CD226: variants seen among roughly 807,000 people sequenced by gnomAD.
CD226 encodes the protein CD226 molecule.
CD226 carries 24 observed loss-of-function variants against 34.9 expected under a neutral mutation model. The observed-to-expected ratio is 0.69, with a 90% CI of 0.50 to 0.97. The LOEUF (loss-of-function observed/expected upper bound fraction) is 0.97. Among genes scored for constraint, CD226 ranks in the 50% least tolerant of loss-of-function variants. CD226 has a pLI of 0.00. For missense variants in CD226, 397 were observed against 412.7 expected, an observed-to-expected ratio of 0.96 and a Z score of 0.33; for synonymous variants, 148 against 147.4, an observed-to-expected ratio of 1.00 and a Z score of -0.03.
At chr18:69,897,540 T>C (rs1004304974) in intron 2 of CD226, among the ~76,000 whole-genome samples, 2 of 152,002 alleles carry the variant, frequency 1.3e-5, no homozygotes, top group African/African-American at 2.4e-5. Context: ...AAGTGGGAAG[T>C]CATCTGTCAC....
chr18:69,958,636 C>T (rs779189079), upstream of CD226, among the ~76,000 whole-genome samples: 5 of 152,214 alleles, frequency 3.3e-5, no homozygotes, highest in Admixed American at 2.0e-4. Context: ...TCCTATCTAT[C>T]GTGACAGTAG....
chr18:69,958,981 T>A (rs539335201), upstream of CD226, among the ~76,000 whole-genome samples: 11 of 152,218 alleles, frequency 7.2e-5, no homozygotes, highest in East Asian at 5.8e-4. Flanking sequence ...TAGCTTCCTC[T>A]TGGAGGCTCT....
At chr18:69,866,834 GAC>G (rs899270214) in intron 5 of CD226, among the ~76,000 whole-genome samples, 3 of 151,914 alleles carry the variant, frequency 2.0e-5, no homozygotes, top group African/African-American at 7.3e-5. Flanking sequence ...AAGGAAGGCA[GAC>G]ACACACACAC....
intron 3 of CD226, among the ~76,000 whole-genome samples, chr18:69,890,287 A>G (rs553523220): frequency 1.3e-5 from 2 of 152,306 alleles, no homozygotes; most frequent in Non-Finnish European, 2.9e-5. Context: ...TCTGATAACC[A>G]GAGTTTGGAA....
At chr18:69,877,276 G>A (rs1983934472) in intron 3 of CD226, among the ~76,000 whole-genome samples, 1 of 152,104 alleles carries the variant, frequency 6.6e-6, no homozygotes, top group Non-Finnish European at 1.5e-5. Context: ...AAACACATTT[G>A]TCAGTTTAAT....
At chr18:69,893,273 T>C (rs1023345602) in intron 3 of CD226, among the ~76,000 whole-genome samples, 2 of 152,232 alleles carry the variant, frequency 1.3e-5, no homozygotes, top group African/African-American at 4.8e-5. Flanking sequence ...CTACTGACCA[T>C]TACATTTAGT....
Position 69,857,529 on chromosome 18 carries a change from T to A in CD226, c.*6785A>T, listed in dbSNP as rs1412277468. ...TGGCATAAAGGATGTAATGAATACA[T>A]GATTGAATAAGGATATATCTTAAGA... is the stretch of plus-strand genomic sequence containing the variant. On this transcript the variant is annotated 3_prime_UTR_variant, in exon 6 of 6. Transcript: ENST00000582621. The A allele has an allele frequency of 6.6e-6, 1 of 152,192 alleles. No individual in the cohort carries two copies. The highest frequency in any genetic ancestry group is 1.5e-5 in the Non-Finnish European group (1 of 68,044). 9.4% of individuals were successfully genotyped at this position (152,192 alleles called of 1,614,324 possible). A position where few individuals can be genotyped will look rare whatever the true frequency, so the allele number is the denominator to read the frequency against.
intron 2 of CD226, among the ~76,000 whole-genome samples, chr18:69,920,985 C>T (rs1057330728): frequency 7.9e-5 from 12 of 152,150 alleles, no homozygotes; most frequent in Admixed American, 7.2e-4. Flanking sequence ...GTGTATTTGT[C>T]TTTTTCCCAT....
chr18:69,930,977 C>T (rs964202519), intron 2 of CD226, among the ~76,000 whole-genome samples: 6 of 152,248 alleles, frequency 3.9e-5, no homozygotes, highest in African/African-American at 1.4e-4. Context: ...AGACTTGGAA[C>T]CAACCCAAAT....
At chr18:69,874,473 C>T (rs574005933) in intron 3 of CD226, among the ~76,000 whole-genome samples, 33 of 152,278 alleles carry the variant, frequency 2.2e-4, no homozygotes, top group Middle Eastern at 6.8e-3. Context: ...TTCGGGAAAG[C>T]GAACCTGTCA....
At chr18:69,952,102 A>C (rs7235590), upstream of CD226, among the ~76,000 whole-genome samples, 130,676 of 152,148 alleles carry the variant, frequency 0.86, 58,067 homozygotes, top group East Asian at 1. Context: ...CCCTAAAAAG[A>C]ATGAAATCAT....
intron 2 of CD226, among the ~76,000 whole-genome samples, chr18:69,906,286 G>A (rs1178084741): frequency 6.6e-6 from 1 of 152,138 alleles, no homozygotes; most frequent in East Asian, 1.9e-4. Flanking sequence ...AAAAAAAGAT[G>A]TAATAAAATT....
chr18:69,930,699 C>T (rs989189535), intron 2 of CD226, among the ~76,000 whole-genome samples: 4 of 152,164 alleles, frequency 2.6e-5, no homozygotes, highest in East Asian at 1.9e-4. Flanking sequence ...TGTGCTCACC[C>T]GCATCCCCAG....
Position 69,896,030 on chromosome 18 carries a change from G to C in CD226, c.398C>G (p.Ala133Gly), listed in dbSNP as rs778957915. The C allele has an allele frequency of 6.2e-7, 1 of 1,608,330 alleles. No homozygotes were observed. Among genetic ancestry groups the C allele is most frequent in the African/African-American group, 1.3e-5 (1 of 74,904 alleles). Residue 133 changes from alanine (A) to glycine (G), a missense_variant, in exon 3 of 6, where the codon GCT becomes GGT. Ala to Gly is a moderately conservative substitution (Grantham distance 60). Transcript: ENST00000582621. ...QVVQSDSFEAAVPSNSHIVSE... is the reference protein window; with the variant it reads ...QVVQSDSFEAGVPSNSHIVSE... ...AACAATGTGGCTATTTGATGGCACA[G>C]CTGCCTCAAAACTATCTGAAAAGAA...
chr18:69,884,741 A>G (rs560191680), intron 3 of CD226, among the ~76,000 whole-genome samples: 2 of 152,196 alleles, frequency 1.3e-5, no homozygotes, highest in African/African-American at 4.8e-5. Flanking sequence ...GCTAACACAC[A>G]CAGTCATCCC....
intron 2 of CD226, among the ~76,000 whole-genome samples, chr18:69,922,462 A>G (rs1030277387): frequency 5.9e-5 from 9 of 152,010 alleles, no homozygotes; most frequent in African/African-American, 9.7e-5. Flanking sequence ...TTTATTTTCA[A>G]TCGAGCCACA....
Position 69,918,881 on chromosome 18 carries a change from T to A in CD226, c.383-22836A>T, listed in dbSNP as rs531799474. ...GACTGTTGCCCAATACGCATCTGTA[T>A]AATTTCGTGGACTGAATGTGTGGGG... On this transcript the variant is annotated intron_variant, in intron 2 of 5. Coordinates refer to ENST00000582621, the MANE Select transcript of CD226 (RefSeq NM_001303618.2). Among the ~76,000 whole-genome samples, 349 of 152,276 alleles carry A rather than the reference T, an allele frequency of 2.3e-3. 1 individual carries two copies. Among genetic ancestry groups the A allele is most frequent in the African/African-American group, 8.1e-3 (335 of 41,572 alleles).
At chr18:69,903,059 A>C (rs2055207753) in intron 2 of CD226, among the ~76,000 whole-genome samples, 1 of 152,240 alleles carries the variant, frequency 6.6e-6, no homozygotes, top group Non-Finnish European at 1.5e-5. Flanking sequence ...GCAAGTTCCC[A>C]GTTACAAGCA....
intron 2 of CD226, among the ~76,000 whole-genome samples, chr18:69,905,221 C>G (rs1405172220): frequency 6.6e-6 from 1 of 152,178 alleles, no homozygotes; most frequent in Admixed American, 6.5e-5. Context: ...GGCAGGATCT[C>G]AGAGGCAACA....
Sources: allele counts gnomAD v4.1 joint callset (sites outside exome capture counted in the v4.1 genomes callset), GRCh38; gene constraint gnomAD v4.1.1; transcripts MANE v1.5; gene names NCBI Gene and HGNC (gene_info 2026-07-23, HGNC 2026-07-21).